The following HIVEP1 variants were observed in gnomAD, a reference collection of about 807,000 sequenced individuals.
HIVEP1 encodes the protein HIVEP zinc finger 1, also known as zinc finger protein 40.
Under a neutral mutation model 180.0 loss-of-function variants are expected in HIVEP1, and 36 were observed. That is an observed-to-expected ratio of 0.20 (90% confidence interval 0.15 to 0.26). HIVEP1 has a LOEUF of 0.26. Among genes scored for constraint, HIVEP1 ranks in the 10% least tolerant of loss-of-function variants. The pLI is 1.00. For missense variants in HIVEP1, 3,143 were observed against 3,268.7 expected (o/e 0.96, Z 0.94); for synonymous variants, 1,239 against 1,239.0 (o/e 1.00, Z 0.00).
chr6:12,153,571 CAAAAAAAAAA>C (rs3070558), intron 7 of HIVEP1, among the ~76,000 whole-genome samples: 1 of 94,652 alleles, frequency 1.1e-5, no homozygotes, highest in African/African-American at 3.8e-5. Context: ...GTAAGAAATG[CAAAAAAAAAA>C]AAAAAAAAAA....
intron 2 of HIVEP1, among the ~76,000 whole-genome samples, chr6:12,065,715 A>G (rs1442484485): frequency 1.3e-5 from 2 of 148,910 alleles, no homozygotes; most frequent in Non-Finnish European, 3.0e-5. Flanking sequence ...GTGTGTGTGC[A>G]TTGAATGGTT....
At chr6:12,159,458 G>A (rs1707525766) in intron 7 of HIVEP1, among the ~76,000 whole-genome samples, 1 of 151,756 alleles carries the variant, frequency 6.6e-6, no homozygotes, top group Non-Finnish European at 1.5e-5. Flanking sequence ...AGGATGACTC[G>A]AATTTTACAA....
chr6:12,176,531 C>A, the HIVEP1 span, among the ~76,000 whole-genome samples: 1 of 152,084 alleles, frequency 6.6e-6, no homozygotes. Flanking sequence ...CGTGCCCGGC[C>A]AGTCTTGGGT....
intron 7 of HIVEP1, among the ~76,000 whole-genome samples, chr6:12,143,395 A>G (rs994231798): frequency 2.7e-4 from 41 of 152,366 alleles, no homozygotes; most frequent in African/African-American, 9.4e-4. Context: ...TCAAAATAAT[A>G]AGAGCTATTT....
At chr6:12,175,982 G>C in the HIVEP1 span, among the ~76,000 whole-genome samples, 1 of 152,116 alleles carries the variant, frequency 6.6e-6, no homozygotes, top group African/African-American at 2.4e-5. Context: ...GGCCTGTCCG[G>C]AGACCAGCAT....
At chr6:12,200,074 A>G in the HIVEP1 span, among the ~76,000 whole-genome samples, 1 of 152,170 alleles carries the variant, frequency 6.6e-6, no homozygotes, top group Non-Finnish European at 1.5e-5. Context: ...ATTGAGTCAA[A>G]CTGAGATAGA....
In HIVEP1 at chr6:12,125,538, C is replaced by G. The variant is rs756109020; in HGVS notation, c.5743C>G (p.Gln1915Glu). ...AGTGAACATCCAAGAGCAAAGTCAA[C>G]AGCCAGTCACTTCTCTTTCATTGTT... ...DKVNIQEQSQ[Q>E]PVTSLSLFNI... The change falls in exon 4 of 9, where the codon CAG becomes GAG. Residue 1915 changes from glutamine to glutamate, a missense_variant. This residue lies in a region of HIVEP1 where 1,357 missense variants were observed against 1,260.5 expected (regional missense o/e 1.08). Transcript: ENST00000379388. The G allele has an allele frequency of 1.2e-6, 2 of 1,614,144 alleles. No homozygotes were observed. The highest frequency in any genetic ancestry group is 2.2e-5 in the East Asian group (1 of 44,886).
At chr6:12,064,086 C>G (rs535866091) in intron 2 of HIVEP1, among the ~76,000 whole-genome samples, 1 of 152,268 alleles carries the variant, frequency 6.6e-6, no homozygotes, top group East Asian at 1.9e-4. Flanking sequence ...CTGGCCTTGA[C>G]CCTAGAGCTT....
At chr6:12,062,402 A>G (rs1036917011) in intron 2 of HIVEP1, among the ~76,000 whole-genome samples, 6 of 152,146 alleles carry the variant, frequency 3.9e-5, no homozygotes, top group African/African-American at 1.4e-4. Context: ...TAAATGTATA[A>G]ACATTTATGA....
chr6:12,198,572 T>A, the HIVEP1 span, among the ~76,000 whole-genome samples: 1 of 152,112 alleles, frequency 6.6e-6, no homozygotes, highest in Non-Finnish European at 1.5e-5. Flanking sequence ...GAGAGCCCCA[T>A]AGGAAATAAA....
intron 3 of HIVEP1, among the ~76,000 whole-genome samples, chr6:12,111,053 C>T (rs140487649): frequency 6.6e-6 from 1 of 152,294 alleles, no homozygotes; most frequent in African/African-American, 2.4e-5. Flanking sequence ...AACACACACA[C>T]AACATTTATT....
intron 7 of HIVEP1, among the ~76,000 whole-genome samples, chr6:12,160,038 GTC>G (rs929785770): frequency 2.0e-5 from 3 of 152,096 alleles, no homozygotes; most frequent in African/African-American, 7.2e-5. Context: ...TTACATGTTT[GTC>G]TCTTTTCAAA....
chr6:12,187,447 C>T, the HIVEP1 span, among the ~76,000 whole-genome samples: 2 of 152,144 alleles, frequency 1.3e-5, no homozygotes, highest in African/African-American at 2.4e-5. Flanking sequence ...CCATCCCTTG[C>T]GTCCTCTCTT....
At chr6:12,012,761 G>A (rs1056301591) in intron 1 of HIVEP1, 195 bp downstream of exon 1, 1 of 152,746 alleles carries the variant, frequency 6.5e-6, no homozygotes, top group Admixed American at 6.5e-5. Flanking sequence ...GGCACTTCTG[G>A]GCGCCCTCGC....
In HIVEP1 at chr6:12,122,707, T is replaced by C. The variant is rs997205971; in HGVS notation, c.2912T>C (p.Leu971Pro). 1 of 1,613,858 alleles carries C rather than the reference T, an allele frequency of 6.2e-7. No individual in the cohort carries two copies. The highest frequency in any genetic ancestry group is 1.3e-5 in the African/African-American group (1 of 74,904). The change falls in exon 4 of 9, where the codon CTG becomes CCG. Residue 971 changes from leucine to proline, a missense_variant. Transcript: ENST00000379388. ...ACTTGTAGAAACAGGTATAGGAAAC[T>C]GGAAAATTTTGAAAATCATAAGAAA... Reference protein sequence around the residue: ...CETCRNRYRKLENFENHKKFY... With the variant: ...CETCRNRYRKPENFENHKKFY...
chr6:12,119,744 C>A (rs1775442997), intron 3 of HIVEP1, 146 bp from the exon 4 acceptor site: 1 of 569,650 alleles, frequency 1.8e-6, no homozygotes, highest in Non-Finnish European at 3.0e-6. Context: ...TGCAGAAGTG[C>A]AATTTTATTT....
At chr6:12,193,814 C>G in the HIVEP1 span, among the ~76,000 whole-genome samples, 2 of 152,176 alleles carry the variant, frequency 1.3e-5, no homozygotes, top group Non-Finnish European at 2.9e-5. Context: ...AAGCAAAAGT[C>G]ACAGACTTGA....
At chr6:12,176,103 A>AC in the HIVEP1 span, among the ~76,000 whole-genome samples, 1 of 152,068 alleles carries the variant, frequency 6.6e-6, no homozygotes, top group South Asian at 2.1e-4. Context: ...TGGCCTGGCA[A>AC]CCTCCAGGTT....
chr6:12,048,474 A>G (rs1379847160), intron 2 of HIVEP1, among the ~76,000 whole-genome samples: 1 of 152,334 alleles, frequency 6.6e-6, no homozygotes, highest in Non-Finnish European at 1.5e-5. Flanking sequence ...CAATATGCCC[A>G]TCATCCCACC....
Sources: gnomAD v4.1 joint callset for allele counts (sites outside exome capture counted in the v4.1 genomes callset) on GRCh38, gnomAD v4.1.1 for gene constraint, gnomAD v4.1.1 regional missense constraint, MANE v1.5 for transcripts, NCBI Gene and HGNC (gene_info 2026-07-23, HGNC 2026-07-21) for gene names.